Variants in CPVL observed in about 807,000 individuals in gnomAD.
CPVL encodes the protein carboxypeptidase vitellogenic like.
A neutral mutation model predicts 63.7 loss-of-function variants in CPVL; 51 were observed. The observed-to-expected ratio is 0.80, with a 90% CI of 0.64 to 1.01. CPVL has a LOEUF of 1.01. Ranked by LOEUF, CPVL falls within the 50% of genes least tolerant of loss-of-function variation. The pLI is 0.00. For synonymous variants in CPVL, 195 were observed against 206.0 expected (o/e 0.95, Z 0.46); for missense variants, 530 against 573.1 (o/e 0.92, Z 0.77).
At chr7:29,092,057 C>A (rs1327201079) in intron 6 of CPVL, among the ~76,000 whole-genome samples, 1 of 151,554 alleles carries the variant, frequency 6.6e-6, no homozygotes, top group Non-Finnish European at 1.5e-5. Flanking sequence ...AAAAATCTGA[C>A]CAAATAAGAA....
rs1405075354 is a variant in CPVL, at chr7:29,002,230, G to T, written c.1321-6348C>A. Among the ~76,000 whole-genome samples, 6 of 152,262 alleles carry T rather than the reference G, an allele frequency of 3.9e-5. No homozygotes were observed. The South Asian group carries it at 6.2e-4, about 16-fold the overall frequency. On this transcript the variant is annotated intron_variant, in intron 12 of 12. Coordinates refer to ENST00000265394, the MANE Select transcript of CPVL (RefSeq NM_031311.5). The stretch of plus-strand genomic sequence containing the variant: ...ACAACAACAACAAAAAATTGGAGTT[G>T]CAAGCCTGTCAAGGAGGGACAGCAC...
intron 5 of CPVL, 129 bp from the exon 6 acceptor site, chr7:29,092,831 G>A (rs1785959664): frequency 1.5e-6 from 1 of 682,592 alleles, no homozygotes; most frequent in Non-Finnish European, 2.6e-6. Flanking sequence ...TTTTGCCGTT[G>A]CCCCCCTATG....
At chr7:29,179,671 A>T (rs245916) in intron 5 of CPVL, among the ~76,000 whole-genome samples, 43,889 of 152,186 alleles carry the variant, frequency 0.29, 6,489 homozygotes, top group East Asian at 0.35. Context: ...TAAGTAGAGA[A>T]ACCATCAATA....
chr7:29,054,170 A>G (rs1283098144), intron 11 of CPVL, among the ~76,000 whole-genome samples: 1 of 152,204 alleles, frequency 6.6e-6, no homozygotes, highest in African/African-American at 2.4e-5. Context: ...CCATTGTACA[A>G]TGATCAAAAC....
chr7:29,134,575 T>C (rs1791006813), intron 1 of CPVL, among the ~76,000 whole-genome samples: 1 of 152,148 alleles, frequency 6.6e-6, no homozygotes, highest in Non-Finnish European at 1.5e-5. Context: ...TTGCATCCAT[T>C]AAACAACAGA....
chr7:29,099,757 G>A (rs545397558), intron 3 of CPVL, among the ~76,000 whole-genome samples: 1 of 152,238 alleles, frequency 6.6e-6, no homozygotes, highest in African/African-American at 2.4e-5. Flanking sequence ...GAAAATCAAT[G>A]ACAGCCTTTT....
chr7:29,135,498 A>G (rs944122100), intron 1 of CPVL, among the ~76,000 whole-genome samples: 3 of 151,636 alleles, frequency 2.0e-5, no homozygotes, highest in Non-Finnish European at 4.4e-5. Flanking sequence ...TGCCTAACTA[A>G]TTTTTTTGTA....
chr7:29,027,996 G>A (rs1485968903), intron 12 of CPVL, among the ~76,000 whole-genome samples: 1 of 151,962 alleles, frequency 6.6e-6, no homozygotes, highest in Non-Finnish European at 1.5e-5. Context: ...AAGCAATACT[G>A]AGCAAAAAGA....
intron 11 of CPVL, among the ~76,000 whole-genome samples, chr7:29,034,035 A>G (rs1788280865): frequency 6.6e-6 from 1 of 152,156 alleles, no homozygotes; most frequent in Non-Finnish European, 1.5e-5. Flanking sequence ...GCTATGGTTG[A>G]TTTATTTTAG....
intron 7 of CPVL, among the ~76,000 whole-genome samples, chr7:29,073,334 C>A (rs2128578518): frequency 6.6e-6 from 1 of 152,280 alleles, no homozygotes; most frequent in African/African-American, 2.4e-5. Context: ...GTCCAGAGTC[C>A]AATGTCTTCT....
chr7:29,153,324 A>C (rs1472609058), intron 5 of CPVL, among the ~76,000 whole-genome samples: 2 of 152,160 alleles, frequency 1.3e-5, no homozygotes, highest in African/African-American at 4.8e-5. Flanking sequence ...CCTTGAACGC[A>C]TGTGTTTCAA....
Position 29,096,190 on chromosome 7 carries a change from G to T in CPVL, c.316C>A (p.Leu106Ile), listed in dbSNP as rs1221623277. 1.9e-6 allele frequency: 3 copies of T among 1,613,924 alleles called. No individual in the cohort carries two copies. Among genetic ancestry groups the T allele is most frequent in the Non-Finnish European group, 2.5e-6 (3 of 1,179,902 alleles). ...QIQPEDAPVV[L>I]WLQGGPGGSS... ...CCTCCCGGCCCACCCTGTAGCCAGA[G>T]AACTACTGGGGCATCTTCTGGCTGT... Residue 106 changes from leucine (L) to isoleucine (I), a missense_variant, in exon 4 of 13, where the codon CTC becomes ATC. By Grantham distance (5) the Leu-to-Ile change is conservative. Coordinates refer to ENST00000265394, the MANE Select transcript of CPVL (RefSeq NM_031311.5).
intron 6 of CPVL, 32 bp from the exon 7 acceptor site, chr7:29,086,582 T>A: frequency 3.4e-6 from 5 of 1,473,032 alleles, no homozygotes; most frequent in Non-Finnish European, 4.7e-6. Flanking sequence ...CAACACAAAT[T>A]AATCAGAAAA....
chr7:29,110,572 T>TGTA (rs1255071982), intron 3 of CPVL, among the ~76,000 whole-genome samples: 1 of 152,212 alleles, frequency 6.6e-6, no homozygotes, highest in Non-Finnish European at 1.5e-5. Context: ...AGAGAATTCT[T>TGTA]GTATGCAATA....
intron 12 of CPVL, among the ~76,000 whole-genome samples, chr7:29,026,374 T>C (rs1162099035): frequency 2.6e-5 from 4 of 152,108 alleles, no homozygotes; most frequent in Admixed American, 2.6e-4. Context: ...AAGTAGAAAG[T>C]GTTTAAATAT....
intron 5 of CPVL, among the ~76,000 whole-genome samples, chr7:29,165,589 A>G (rs986030783): frequency 2.0e-5 from 3 of 152,174 alleles, no homozygotes. Flanking sequence ...CTTTGTTACA[A>G]TGACAAGTAG....
chr7:29,036,341 A>T (rs1302408212), intron 11 of CPVL, among the ~76,000 whole-genome samples: 1 of 152,210 alleles, frequency 6.6e-6, no homozygotes, highest in African/African-American at 2.4e-5. Flanking sequence ...ACAGAATAAG[A>T]GGTCAGTGAG....
chr7:29,066,577 T>C (rs567843464), intron 9 of CPVL, among the ~76,000 whole-genome samples: 10 of 152,048 alleles, frequency 6.6e-5, no homozygotes, highest in Non-Finnish European at 1.0e-4. Flanking sequence ...CATGCAGACA[T>C]CTAGGGGAAG....
chr7:29,074,582 A>G (rs1057276220), intron 7 of CPVL, among the ~76,000 whole-genome samples: 12 of 151,892 alleles, frequency 7.9e-5, no homozygotes, highest in Non-Finnish European at 1.2e-4. Context: ...CTCATCTCCA[A>G]CTGTAATCCT....
Sources: gnomAD v4.1 joint callset for allele counts (sites outside exome capture counted in the v4.1 genomes callset) on GRCh38, gnomAD v4.1.1 for gene constraint, MANE v1.5 for transcripts, NCBI Gene and HGNC (gene_info 2026-07-23, HGNC 2026-07-21) for gene names.